The following CNTNAP2 variants were observed in gnomAD, a reference collection of about 807,000 sequenced individuals.
CNTNAP2 encodes the protein contactin associated protein 2, also known as contactin-associated protein-like 2.
In CNTNAP2, 98 loss-of-function variants were observed where a neutral mutation model predicts 155.2. The ratio of observed to expected loss-of-function variants is 0.63; its 90% CI spans 0.54 to 0.75. The LOEUF (loss-of-function observed/expected upper bound fraction) is 0.75. Among genes scored for constraint, CNTNAP2 ranks in the 30% least tolerant of loss-of-function variants. The pLI is 0.00. For missense variants in CNTNAP2, 1,727 were observed against 1,688.1 expected (o/e 1.02, Z -0.40); for synonymous variants, 651 against 631.2 (o/e 1.03, Z -0.47).
intron 3 of CNTNAP2, among the ~76,000 whole-genome samples, chr7:146,939,680 T>C (rs745400893): frequency 3.9e-5 from 6 of 152,174 alleles, no homozygotes; most frequent in Non-Finnish European, 8.8e-5. Context: ...CTGTAATAGA[T>C]GGGGCTCAGT....
chr7:147,082,116 G>A (rs917390564), intron 4 of CNTNAP2: 4 of 152,196 alleles, frequency 2.6e-5, no homozygotes, highest in Non-Finnish European at 4.4e-5. Context: ...GGTAAAGGGT[G>A]TTGAATTCAG....
chr7:146,748,309 C>G (rs1007025291), intron 1 of CNTNAP2, among the ~76,000 whole-genome samples: 2 of 123,932 alleles, frequency 1.6e-5, no homozygotes, highest in African/African-American at 5.1e-5. Flanking sequence ...CCACGCCCAG[C>G]TAATTTTTTG....
chr7:146,691,412 A>G (rs1427886735), intron 1 of CNTNAP2, among the ~76,000 whole-genome samples: 2 of 152,154 alleles, frequency 1.3e-5, no homozygotes, highest in Non-Finnish European at 2.9e-5. Flanking sequence ...TTCTCAGAAC[A>G]CTTACATTAG....
chr7:147,151,686 T>TA (rs202118538), intron 8 of CNTNAP2, among the ~76,000 whole-genome samples: 18 of 149,808 alleles, frequency 1.2e-4, no homozygotes, highest in South Asian at 6.3e-4. Context: ...AAAACAAAAC[T>TA]AAAAAAAAAA....
intron 1 of CNTNAP2, among the ~76,000 whole-genome samples, chr7:146,457,063 A>G (rs569310711): frequency 3.9e-4 from 60 of 152,190 alleles, no homozygotes; most frequent in African/African-American, 1.4e-3. Flanking sequence ...CCTCATTCAG[A>G]TTAAAGTTTT....
chr7:146,680,273 A>G (rs1800478990), intron 1 of CNTNAP2, among the ~76,000 whole-genome samples: 1 of 152,158 alleles, frequency 6.6e-6, no homozygotes, highest in Non-Finnish European at 1.5e-5. Context: ...TTATGTGTGG[A>G]GGGAAATTTA....
intron 1 of CNTNAP2, among the ~76,000 whole-genome samples, chr7:146,358,470 T>C (rs891107771): frequency 1.3e-5 from 2 of 152,214 alleles, no homozygotes; most frequent in Non-Finnish European, 2.9e-5. Flanking sequence ...TCAAGAAAAC[T>C]TCTAAATAAA....
chr7:146,353,340 C>T (rs1050085502), intron 1 of CNTNAP2, among the ~76,000 whole-genome samples: 45 of 152,170 alleles, frequency 3.0e-4, no homozygotes, highest in Non-Finnish European at 4.4e-4. Context: ...TCAGACATTA[C>T]TTGATCTTGA....
intron 13 of CNTNAP2, among the ~76,000 whole-genome samples, chr7:147,842,014 T>G (rs1798741747): frequency 6.6e-6 from 1 of 152,218 alleles, no homozygotes; most frequent in Admixed American, 6.5e-5. Context: ...TTTATATTGG[T>G]CAAAGTTGCC....
chr7:146,363,275 C>T (rs1293353358), intron 1 of CNTNAP2, among the ~76,000 whole-genome samples: 1 of 152,170 alleles, frequency 6.6e-6, no homozygotes, highest in Non-Finnish European at 1.5e-5. Flanking sequence ...CAAGGCTGGG[C>T]AGTCACTTAC....
intron 14 of CNTNAP2, among the ~76,000 whole-genome samples, chr7:147,938,451 G>T (rs1346406841): frequency 2.6e-5 from 4 of 152,082 alleles, no homozygotes; most frequent in African/African-American, 9.7e-5. Flanking sequence ...GAAAATAAAT[G>T]ATGTTGCATT....
At chr7:147,145,607 T>A (rs540097201) in intron 8 of CNTNAP2, among the ~76,000 whole-genome samples, 14 of 152,258 alleles carry the variant, frequency 9.2e-5, no homozygotes, top group Admixed American at 2.6e-4. Flanking sequence ...CCATACTGAA[T>A]AACAAGTTAA....
chr7:147,683,843 T>C (rs1795983201), intron 13 of CNTNAP2, among the ~76,000 whole-genome samples: 1 of 151,132 alleles, frequency 6.6e-6, no homozygotes, highest in Admixed American at 6.6e-5. Context: ...TTTTAATGAC[T>C]GCCAAAATCT....
intron 14 of CNTNAP2, among the ~76,000 whole-genome samples, chr7:147,904,130 G>T (rs566784603): frequency 6.6e-6 from 1 of 152,150 alleles, no homozygotes; most frequent in Non-Finnish European, 1.5e-5. Context: ...TTGCGTTGGG[G>T]ATCTGGATTG....
chr7:146,132,239 G>T (rs1350756490), intron 1 of CNTNAP2, among the ~76,000 whole-genome samples: 1 of 152,018 alleles, frequency 6.6e-6, no homozygotes, highest in Non-Finnish European at 1.5e-5. Context: ...TGTTGGCCTT[G>T]AATAATAGCA....
intron 1 of CNTNAP2, among the ~76,000 whole-genome samples, chr7:146,510,341 G>T (rs1258205347): frequency 2.0e-5 from 3 of 152,270 alleles, no homozygotes; most frequent in South Asian, 2.1e-4. Context: ...GTCTGCCTTG[G>T]CCTACTCATG....
rs145336521 is a variant in CNTNAP2, at chr7:147,274,514, TG to T, written c.1349-25626del. On this transcript the variant is annotated intron_variant, in intron 8 of 23. Transcript: ENST00000361727. Reference sequence around the variant, plus strand: ...TCCTTTGCCCACTTTTTAATTTTTTTGTTGTTGTTGTTGTTTAATGAAGTTG... The same window carrying T: ...TCCTTTGCCCACTTTTTAATTTTTTTTTGTTGTTGTTGTTTAATGAAGTTG... Among the ~76,000 whole-genome samples the T allele has an allele frequency of 4.8e-3, 733 of 152,200 alleles. 4 individuals are homozygous for T. The highest frequency in any genetic ancestry group is 8.4e-3 in the Non-Finnish European group (571 of 67,970).
chr7:147,811,965 T>C (rs1254900008), intron 13 of CNTNAP2, among the ~76,000 whole-genome samples: 2 of 152,160 alleles, frequency 1.3e-5, no homozygotes, highest in African/African-American at 4.8e-5. Context: ...ACTATGTCAG[T>C]AAACAAAGTA....
chr7:147,659,390 A>G (rs1304967191), intron 13 of CNTNAP2, among the ~76,000 whole-genome samples: 2 of 152,230 alleles, frequency 1.3e-5, no homozygotes, highest in African/African-American at 2.4e-5. Flanking sequence ...GACTGTGAAG[A>G]TATAGAAACA....
Sources: allele counts gnomAD v4.1 joint callset (sites outside exome capture counted in the v4.1 genomes callset), GRCh38; gene constraint gnomAD v4.1.1; transcripts MANE v1.5; gene names NCBI Gene and HGNC (gene_info 2026-07-23, HGNC 2026-07-21).